MALRD1: variants seen among roughly 807,000 people sequenced by gnomAD.
The protein encoded by MALRD1 is MAM and LDL receptor class A domain containing 1.
MALRD1 carries 247 observed loss-of-function variants against 242.1 expected under a neutral mutation model. That is an observed-to-expected ratio of 1.02 (90% CI 0.92 to 1.13). The LOEUF is 1.13. Ranked by LOEUF, MALRD1 falls within the 50% of genes most tolerant of loss-of-function variation. The pLI is 0.00. For missense variants in MALRD1, 2,989 were observed against 2,533.1 expected, an observed-to-expected ratio of 1.18 and a Z score of -3.86; for synonymous variants, 995 against 866.6, an observed-to-expected ratio of 1.15 and a Z score of -2.60.
At chr10:19,047,124 G>A (rs563644721), upstream of MALRD1, among the ~76,000 whole-genome samples, 2 of 152,160 alleles carry the variant, frequency 1.3e-5, no homozygotes, top group Non-Finnish European at 2.9e-5. Flanking sequence ...GAAACATGCT[G>A]AGATGAGAAT....
At chr10:19,474,402 CTCTTTA>C (rs1274686144) in intron 29 of MALRD1, among the ~76,000 whole-genome samples, 25 of 152,104 alleles carry the variant, frequency 1.6e-4, no homozygotes, top group African/African-American at 4.6e-4. Flanking sequence ...TTTTAAAAAT[CTCTTTA>C]TCAAATAGTC....
In MALRD1 at chr10:19,104,043, T is replaced by C; in HGVS notation, c.662T>C (p.Ile221Thr). 1 of 1,233,856 alleles carries C rather than the reference T, an allele frequency of 8.1e-7. No individual in the cohort carries two copies. The highest frequency in any genetic ancestry group is 1.0e-6 in the Non-Finnish European group (1 of 988,078). The allele number at this position is 1,233,856 out of a possible 1,614,324, so 76.4% of individuals were successfully genotyped here. A position where few individuals can be genotyped will look rare whatever the true frequency, so the allele number is the denominator to read the frequency against. ...EQDEVIAIDD[I>T]SFSSGCLPAN... is the part of the protein sequence containing the mutation. ...GATGAAGTCATTGCTATTGATGATA[T>C]ATCTTTCAGTTCAGGCTGCTTGCCT... is the stretch of plus-strand genomic sequence containing the variant. The change falls in exon 5 of 40, where the codon ATA (isoleucine) becomes ACA (threonine). Residue 221 changes from isoleucine (I) to threonine (T), a missense_variant. Physicochemically the swap from Ile to Thr is moderately conservative, Grantham distance 89. Transcript: ENST00000454679.
chr10:19,212,689 C>CT (rs1837122937), intron 18 of MALRD1, among the ~76,000 whole-genome samples: 1 of 37,154 alleles, frequency 2.7e-5, no homozygotes, highest in South Asian at 1.1e-3. Context: ...AAAGTTTACA[C>CT]TATTTTTTTA....
intron 21 of MALRD1, among the ~76,000 whole-genome samples, chr10:19,283,496 G>C (rs1840928902): frequency 6.6e-6 from 1 of 152,004 alleles, no homozygotes; most frequent in Non-Finnish European, 1.5e-5. Flanking sequence ...CTCCCCAAAT[G>C]TCTTTTCTCC....
At chr10:19,111,555 A>G (rs1836681006) in intron 5 of MALRD1, among the ~76,000 whole-genome samples, 1 of 152,238 alleles carries the variant, frequency 6.6e-6, no homozygotes, top group Non-Finnish European at 1.5e-5. Context: ...ACAGAGGGCA[A>G]TAAGCTGAAT....
intron 14 of MALRD1, among the ~76,000 whole-genome samples, chr10:19,183,913 C>A (rs909900324): frequency 6.6e-6 from 1 of 152,106 alleles, no homozygotes; most frequent in Non-Finnish European, 1.5e-5. Context: ...CAAGGAGTCT[C>A]TCTCTCTCTG....
chr10:19,175,158 C>T, intron 13 of MALRD1, 50 bp from the exon 14 acceptor site: 3 of 1,122,072 alleles, frequency 2.7e-6, no homozygotes, highest in Non-Finnish European at 3.4e-6. Flanking sequence ...GATTGTAAGA[C>T]ATTACTTTTG....
intron 19 of MALRD1, among the ~76,000 whole-genome samples, chr10:19,271,740 G>A (rs894056517): frequency 3.3e-5 from 5 of 152,150 alleles, no homozygotes; most frequent in South Asian, 2.1e-4. Context: ...TCCATCCTGG[G>A]CAACAGAGCG....
At chr10:19,341,610 G>A (rs893145274) in intron 24 of MALRD1, among the ~76,000 whole-genome samples, 2 of 150,660 alleles carry the variant, frequency 1.3e-5, no homozygotes, top group South Asian at 4.2e-4. Context: ...AGATATTACA[G>A]TGATTAGTGT....
In MALRD1 at chr10:19,403,807, C is replaced by G. The variant is rs370204460; in HGVS notation, c.4845+14198C>G. On this transcript the variant is annotated intron_variant, in intron 28 of 39. Transcript: ENST00000454679. ...AAGAATGGTGAGAATATTCTTTAGT[C>G]TTTTTAGCGTTTGTTTCTAAGTTAT... Among the ~76,000 whole-genome samples the G allele has an allele frequency of 3.3e-5, 5 of 152,144 alleles. No homozygotes were observed. The East Asian group carries it at 5.8e-4, about 18-fold the overall frequency.
At chr10:19,168,205 C>T (rs148060034) in intron 13 of MALRD1, among the ~76,000 whole-genome samples, 3 of 152,254 alleles carry the variant, frequency 2.0e-5, no homozygotes, top group Non-Finnish European at 2.9e-5. Flanking sequence ...TGGACAAAGA[C>T]GTCATGAATA....
intron 27 of MALRD1, 187 bp from the exon 28 acceptor site, chr10:19,389,265 A>G (rs1044169440): frequency 4.2e-6 from 3 of 707,584 alleles, no homozygotes; most frequent in Non-Finnish European, 5.1e-6. Context: ...AAGCACAGAC[A>G]GTTGGAAATT....
Position 19,230,238 on chromosome 10 carries a change from C to G in MALRD1, c.2991+20558C>G, listed in dbSNP as rs573596226. On this transcript the variant is annotated intron_variant, in intron 18 of 39. Transcript: ENST00000454679. ...TCTTCATCAGCAGCATGAAAATCAA[C>G]TAATACACTGTCCATGAATGATACT... Among the ~76,000 whole-genome samples, 13 of 152,224 alleles carry G rather than the reference C, an allele frequency of 8.5e-5. No homozygotes were observed. In the East Asian group the frequency reaches 2.3e-3, roughly 27 times the overall value.
At chr10:19,182,391 A>G (rs1283971795) in intron 14 of MALRD1, among the ~76,000 whole-genome samples, 1 of 123,682 alleles carries the variant, frequency 8.1e-6, no homozygotes, top group Non-Finnish European at 1.6e-5. Context: ...GTGGTGCGAT[A>G]TGGGCTTACT....
At chr10:19,186,246 A>G (rs1835732391) in intron 14 of MALRD1, among the ~76,000 whole-genome samples, 1 of 152,186 alleles carries the variant, frequency 6.6e-6, no homozygotes. Context: ...AATCTAGACA[A>G]CTATTTTCTA....
At chr10:19,237,978 T>G (rs1212958270) in intron 18 of MALRD1, among the ~76,000 whole-genome samples, 1 of 111,796 alleles carries the variant, frequency 8.9e-6, no homozygotes, top group Admixed American at 1.2e-4. Context: ...CAGTTATATA[T>G]AATTATATGT....
At chr10:19,336,864 C>T (rs1347530804) in intron 24 of MALRD1, among the ~76,000 whole-genome samples, 1 of 151,358 alleles carries the variant, frequency 6.6e-6, no homozygotes, top group Non-Finnish European at 1.5e-5. Flanking sequence ...CAAAACCCTG[C>T]CAAGAATAAA....
chr10:19,167,524 C>T (rs1834747418), intron 13 of MALRD1, among the ~76,000 whole-genome samples: 1 of 152,096 alleles, frequency 6.6e-6, no homozygotes, highest in East Asian at 1.9e-4. Flanking sequence ...GTAGAGAATA[C>T]ATATTTTGGA....
At chr10:19,056,744 G>C (rs140448220) in intron 1 of MALRD1, among the ~76,000 whole-genome samples, 1 of 151,982 alleles carries the variant, frequency 6.6e-6, no homozygotes, top group African/African-American at 2.4e-5. Context: ...GTGAGAATAG[G>C]TATTTTTGTT....
Sources: gnomAD v4.1 joint callset for allele counts (sites outside exome capture counted in the v4.1 genomes callset) on GRCh38, gnomAD v4.1.1 for gene constraint, MANE v1.5 for transcripts, NCBI Gene and HGNC (gene_info 2026-07-23, HGNC 2026-07-21) for gene names.